The following ATF7IP2 variants were observed in gnomAD, a reference collection of about 807,000 sequenced individuals.
ATF7IP2 encodes the protein activating transcription factor 7 interacting protein 2.
ATF7IP2 carries 42 observed loss-of-function variants against 64.2 expected under a neutral mutation model. The ratio of observed to expected loss-of-function variants is 0.65; its 90% CI spans 0.51 to 0.85. The LOEUF (loss-of-function observed/expected upper bound fraction) is 0.85, where lower values mean the gene tolerates loss of function less well. ATF7IP2 is among the 40% of genes least tolerant of loss of function. The probability of loss-of-function intolerance (pLI) is 0.00; values close to 1 mark genes in which losing one functional copy is unlikely to be tolerated. For missense variants in ATF7IP2, 933 were observed against 784.2 expected, an observed-to-expected ratio of 1.19 and a Z score of -2.27; for synonymous variants, 308 against 272.8, an observed-to-expected ratio of 1.13 and a Z score of -1.27.
chr16:10,415,734 A>G (rs2047860174), intron 2 of ATF7IP2, among the ~76,000 whole-genome samples: 1 of 152,256 alleles, frequency 6.6e-6, no homozygotes, highest in Admixed American at 6.5e-5. Flanking sequence ...TAACCAGAAT[A>G]TAAGAAGCTC....
intron 2 of ATF7IP2, among the ~76,000 whole-genome samples, chr16:10,418,071 G>C (rs922691296): frequency 6.6e-6 from 1 of 152,208 alleles, no homozygotes; most frequent in African/African-American, 2.4e-5. Flanking sequence ...GCCACAAACA[G>C]AGTTTTACCC....
chr16:10,412,186 C>G (rs112985235), intron 1 of ATF7IP2, among the ~76,000 whole-genome samples: 2,982 of 150,654 alleles, frequency 0.02, 89 homozygotes, highest in African/African-American at 0.068. Flanking sequence ...TAGCTCTGCT[C>G]TGATCTTAGT....
At chr16:10,405,318 C>T (rs983048786) in intron 1 of ATF7IP2, among the ~76,000 whole-genome samples, 4 of 151,134 alleles carry the variant, frequency 2.6e-5, no homozygotes, top group South Asian at 2.1e-4. Context: ...TGCAGTGAGC[C>T]GAGATCATAC....
chr16:10,429,832 GTTTTATTTTATTTTAT>G (rs973137512), intron 4 of ATF7IP2, among the ~76,000 whole-genome samples: 7 of 123,208 alleles, frequency 5.7e-5, no homozygotes, highest in African/African-American at 1.8e-4. Flanking sequence ...TTTTTATTTT[GTTTTATTTTATTTTAT>G]TTTTATTTTA....
intron 8 of ATF7IP2, among the ~76,000 whole-genome samples, chr16:10,452,123 A>G (rs540126941): frequency 1.3e-5 from 2 of 152,036 alleles, no homozygotes; most frequent in African/African-American, 2.4e-5. Flanking sequence ...ACTTCTGTCA[A>G]CTTGTCACCC....
At position 10,457,543 on chromosome 16, in the gene ATF7IP2, C is replaced by A; in HGVS notation, c.1352+14C>A. The A allele has an allele frequency of 6.6e-7, 1 of 1,524,224 alleles. No individual in the cohort carries two copies. The allele number at this position is 1,524,224 out of a possible 1,614,324, so 94.4% of individuals were successfully genotyped here. On this transcript the variant is annotated intron_variant, in intron 9 of 13. Transcript: ENST00000562102. ...TGTTTCTGAAAGGTAGGTGTTTCTG[C>A]AAAAATGCATAAATTTATCTAAATC...
Position 10,460,167 on chromosome 16 carries a change from G to A in ATF7IP2, c.1352+2638G>A, listed in dbSNP as rs552489277. Among the ~76,000 whole-genome samples the A allele has an allele frequency of 1.4e-4, 21 of 152,208 alleles. No individual in the cohort carries two copies. The East Asian group carries it at 4.1e-3, about 29-fold the overall frequency. ...AATCAGGAAATAAAATTTTGGAAAA[G>A]CTGTAACACCATTATAGAAGCCCCA... On this transcript the variant is annotated intron_variant, in intron 9 of 13. Coordinates refer to ENST00000562102, the MANE Select transcript of ATF7IP2 (RefSeq NM_001393719.1).
In ATF7IP2 at chr16:10,390,438, A is replaced by G. The variant is rs377403447; in HGVS notation, c.-242+4316A>G. 1.2e-4 allele frequency among the ~76,000 whole-genome samples: 19 copies of G among 152,360 alleles called. No individual in the cohort carries two copies. The East Asian group carries it at 3.1e-3, about 25-fold the overall frequency. ...GAGTTTTTCAAAACTTGTGGGCTCA[A>G]CTAAAGTAGGGCTTAGAGGAAAATT... On this transcript the variant is annotated intron_variant, in intron 1 of 13. Transcript: ENST00000562102.
At position 10,473,499 on chromosome 16, in the gene ATF7IP2, G is replaced by A; in HGVS notation, c.1447G>A (p.Gly483Arg). 1 of 1,568,096 alleles carries A rather than the reference G, an allele frequency of 6.4e-7. No homozygotes were observed. The highest frequency in any genetic ancestry group is 8.7e-7 in the Non-Finnish European group (1 of 1,143,512). Residue 483 changes from glycine to arginine, a missense_variant, in exon 11 of 14, where the codon GGA (glycine) becomes AGA (arginine). By Grantham distance (125) the Gly-to-Arg change is moderately radical. Transcript: ENST00000562102. ...TTCAGATACCAGAAAAATTACATCA[G>A]GAAATTCTAGCAATTCTCCCAATGC... ...NPTDTRKITS[G>R]NSSNSPNAEV...
At chr16:10,450,413 G>A (rs187635104) in intron 8 of ATF7IP2, among the ~76,000 whole-genome samples, 5 of 152,264 alleles carry the variant, frequency 3.3e-5, no homozygotes, top group East Asian at 3.9e-4. Context: ...TTGACAGTGC[G>A]TTGTTAAAGT....
At chr16:10,418,317 G>T (rs1032708085) in intron 2 of ATF7IP2, among the ~76,000 whole-genome samples, 1 of 152,188 alleles carries the variant, frequency 6.6e-6, no homozygotes, top group Non-Finnish European at 1.5e-5. Context: ...TTCAGCGTGG[G>T]CATCATAGCT....
At chr16:10,443,349 C>T (rs2048693436) in intron 8 of ATF7IP2, among the ~76,000 whole-genome samples, 1 of 152,078 alleles carries the variant, frequency 6.6e-6, no homozygotes, top group Non-Finnish European at 1.5e-5. Context: ...GGACTTCAGG[C>T]AATAGCAGAG....
At chr16:10,437,512 T>A (rs529349273) in intron 6 of ATF7IP2, among the ~76,000 whole-genome samples, 1 of 152,260 alleles carries the variant, frequency 6.6e-6, no homozygotes, top group Non-Finnish European at 1.5e-5. Context: ...TATTACCTTA[T>A]GTTCCTATAA....
rs530985868 is a variant in ATF7IP2 at position 10,397,603 on chromosome 16, G to A, written c.-242+11481G>A. On this transcript the variant is annotated intron_variant, in intron 1 of 13. Coordinates refer to ENST00000562102, the MANE Select transcript of ATF7IP2 (RefSeq NM_001393719.1). ...TGCCTCAAAAGAAAATGGGCTGGGCGTGGTGGCTCATGCCTACAATCCCAG... is the reference window on the plus strand; with the variant it reads ...TGCCTCAAAAGAAAATGGGCTGGGCATGGTGGCTCATGCCTACAATCCCAG... 1.6e-4 allele frequency among the ~76,000 whole-genome samples: 25 copies of A among 152,254 alleles called. 1 individual carries two copies. The East Asian group carries it at 3.1e-3, about 19-fold the overall frequency.
At chr16:10,436,697 T>C (rs1206563425) in intron 6 of ATF7IP2, among the ~76,000 whole-genome samples, 1 of 152,132 alleles carries the variant, frequency 6.6e-6, no homozygotes, top group Admixed American at 6.5e-5. Flanking sequence ...GGAAAAAATA[T>C]ATAAATATTA....
At chr16:10,404,217 C>A (rs980030666) in intron 1 of ATF7IP2, among the ~76,000 whole-genome samples, 1 of 152,142 alleles carries the variant, frequency 6.6e-6, no homozygotes, top group African/African-American at 2.4e-5. Context: ...ATAAAAGAAA[C>A]TTCATTAGAT....
At chr16:10,396,864 C>T (rs1293046040) in intron 1 of ATF7IP2, among the ~76,000 whole-genome samples, 2 of 151,726 alleles carry the variant, frequency 1.3e-5, no homozygotes, top group Non-Finnish European at 2.9e-5. Context: ...ACAAGATTTC[C>T]TTGTATTGCC....
At position 10,482,189 on chromosome 16, in the gene ATF7IP2, A is replaced by T. The variant is rs1320380923; in HGVS notation, c.1989A>T (p.Gly663=). 1 of 1,613,096 alleles carries T rather than the reference A, an allele frequency of 6.2e-7. No individual in the cohort carries two copies. The highest frequency in any genetic ancestry group is 2.2e-5 in the East Asian group (1 of 44,868). The change falls in exon 14 of 14, where the codon GGA becomes GGT. Residue 663 remains glycine, a synonymous_variant. Transcript: ENST00000562102. ...CTGTCCAATCAAAAGATATTTTTGG[A>T]CGATATGGACCATTCTGTGATATAA... ...YFTVQSKDIF[G]RYGPFCDIKS...
chr16:10,399,627 T>C (rs1186982486), intron 1 of ATF7IP2, among the ~76,000 whole-genome samples: 1 of 152,234 alleles, frequency 6.6e-6, no homozygotes, highest in Non-Finnish European at 1.5e-5. Context: ...TAATGCAATA[T>C]CTTCAGCTTT....
Sources: allele counts gnomAD v4.1 joint callset (sites outside exome capture counted in the v4.1 genomes callset), GRCh38; gene constraint gnomAD v4.1.1; transcripts MANE v1.5; gene names NCBI Gene and HGNC (gene_info 2026-07-23, HGNC 2026-07-21).